Variants in PPP1R10 observed in about 807,000 individuals in gnomAD.
PPP1R10 encodes serine/threonine-protein phosphatase 1 regulatory subunit 10.
Under a neutral mutation model 99.0 loss-of-function variants are expected in PPP1R10, and 15 were observed. That is an observed-to-expected ratio of 0.15 (90% CI 0.10 to 0.23). The LOEUF (loss-of-function observed/expected upper bound fraction) is 0.23, where lower values mean the gene tolerates loss of function less well. Among genes scored for constraint, PPP1R10 ranks in the 10% least tolerant of loss-of-function variants. The probability of loss-of-function intolerance (pLI) is 1.00; values close to 1 mark genes in which losing one functional copy is unlikely to be tolerated. For synonymous variants in PPP1R10, 430 were observed against 449.5 expected (o/e 0.96, Z 0.55); for missense variants, 947 against 1,259.4 (o/e 0.75, Z 3.75).
At position 30,615,099 on chromosome 6, in the gene PPP1R10, G is replaced by C. The variant is rs149305600; in HGVS notation, c.-12+1379C>G. Among the ~76,000 whole-genome samples, 461 of 152,222 alleles carry C rather than the reference G, an allele frequency of 3.0e-3. 11 individuals are homozygous for C. The highest frequency in any genetic ancestry group is 0.027 in the East Asian group (142 of 5,178). On this transcript the variant is annotated intron_variant, in intron 2 of 19. Transcript: ENST00000376511. ...AGTTTCTAGGGCGGCCCTAAGCTCA[G>C]GATGGCAAAAGGGGGAGAAAAACAA...
intron 10 of PPP1R10, chr6:30,605,684 C>A: frequency 2.1e-6 from 1 of 478,672 alleles, no homozygotes; most frequent in South Asian, 2.5e-5. Context: ...CATGGTGAAA[C>A]CCCATCTCTA....
intron 17 of PPP1R10, 112 bp from the exon 18 acceptor site, chr6:30,603,071 C>T (rs1803541279): frequency 7.3e-7 from 1 of 1,375,190 alleles, no homozygotes; most frequent in African/African-American, 1.4e-5. Context: ...GAGCAATGCT[C>T]TCTCTGTCCA....
At position 30,602,303 on chromosome 6, in the gene PPP1R10, G is replaced by A. The variant is rs769221345; in HGVS notation, c.2346C>T (p.Arg782=). The A allele has an allele frequency of 6.2e-7, 1 of 1,609,028 alleles. No individual in the cohort carries two copies. The highest frequency in any genetic ancestry group is 1.1e-5 in the South Asian group (1 of 90,890). The part of the protein sequence containing the change: ...GPGGGMGSGH[R]PHEGPGGSMG... ...TGCTACCACCAGGGCCTTCATGGGG[G>A]CGATGCCCACTTCCCATGCCACCGC... Residue 782 remains arginine (R), a synonymous_variant, in exon 19 of 20, where the codon CGC becomes CGT. Coordinates refer to ENST00000376511, the MANE Select transcript of PPP1R10 (RefSeq NM_002714.4). The surrounding 1 kb of genome is among the most constrained non-coding windows in gnomAD (Gnocchi z 6.7).
chr6:30,609,617 T>G lies in PPP1R10; in HGVS notation c.107+221A>C, dbSNP rs1429083502. ...GCTCTCATTCCAAAGCATGACTCCC[T>G]TGGGACCGTGGACGTCCAAATCTCC... is the stretch of plus-strand genomic sequence containing the variant. On this transcript the variant is annotated intron_variant, in intron 3 of 19. Coordinates refer to ENST00000376511, the MANE Select transcript of PPP1R10 (RefSeq NM_002714.4). This position sits in a 1 kb window ranked among gnomAD's most constrained non-coding sequence, Gnocchi z 4.5. Among the ~76,000 whole-genome samples the G allele has an allele frequency of 6.6e-6, 1 of 152,208 alleles. No individual in the cohort carries two copies. The highest frequency in any genetic ancestry group is 1.5e-5 in the Non-Finnish European group (1 of 68,030).
chr6:30,604,443 G>C lies in PPP1R10; in HGVS notation c.1171C>G (p.Arg391Gly), dbSNP rs764595976. The C allele has an allele frequency of 6.2e-7, 1 of 1,613,160 alleles. No individual in the cohort carries two copies. The highest frequency in any genetic ancestry group is 8.5e-7 in the Non-Finnish European group (1 of 1,180,012). Reference sequence around the variant, plus strand: ...ACACTTTTCCTCTTCCTGCCTTTCCGGGTCAGTTGGTTAGGATCTCCAGGA... The same window carrying C: ...ACACTTTTCCTCTTCCTGCCTTTCCCGGTCAGTTGGTTAGGATCTCCAGGA... ...ESPGDPNQLT[R>G]KGRKRKSVTW... Residue 391 changes from arginine (R) to glycine (G), a missense_variant, in exon 13 of 20, where the codon CGG becomes GGG. Coordinates refer to ENST00000376511, the MANE Select transcript of PPP1R10 (RefSeq NM_002714.4). This position sits in a 1 kb window ranked among gnomAD's most constrained non-coding sequence, Gnocchi z 7.3.
intron 16 of PPP1R10, 56 bp from the exon 17 acceptor site, chr6:30,603,341 A>G: frequency 6.3e-7 from 1 of 1,582,612 alleles, no homozygotes; most frequent in Non-Finnish European, 8.7e-7. Flanking sequence ...AACCATGGCG[A>G]AAGATAGCGC....
Position 30,608,905 on chromosome 6 carries a change from G to C in PPP1R10, c.204C>G (p.Asp68Glu). ...RSPEILVKFIDVGGYKLLNNW... is the reference protein window; with the variant it reads ...RSPEILVKFIEVGGYKLLNNW... ...TGTTAAGAAGTTTGTAGCCGCCAACGTCAATAAATCTGCAGGCAGGCAGGA... is the reference window on the plus strand; with the variant it reads ...TGTTAAGAAGTTTGTAGCCGCCAACCTCAATAAATCTGCAGGCAGGCAGGA... The change falls in exon 5 of 20, where the codon GAC becomes GAG. Residue 68 changes from aspartate (D) to glutamate (E), a missense_variant. By Grantham distance (45) the Asp-to-Glu change is conservative. Around this residue, in one of 10 missense-constraint regions of PPP1R10, gnomAD observed 82 missense variants for 117.3 expected, o/e 0.70. Coordinates refer to ENST00000376511, the MANE Select transcript of PPP1R10 (RefSeq NM_002714.4). 1 of 1,614,114 alleles carries C rather than the reference G, an allele frequency of 6.2e-7. No homozygotes were observed. Among genetic ancestry groups the C allele is most frequent in the Non-Finnish European group, 8.5e-7 (1 of 1,180,018 alleles).
At position 30,602,193 on chromosome 6, in the gene PPP1R10, G is replaced by A; in HGVS notation, c.2456C>T (p.Pro819Leu). 1.2e-6 allele frequency: 2 copies of A among 1,611,128 alleles called. No individual in the cohort carries two copies. Among genetic ancestry groups the A allele is most frequent in the East Asian group, 2.2e-5 (1 of 44,582 alleles). ...ACCACCGGCACCCATTCCTCCGCCA[G>A]GGCCTTCATGGGGACGATGGCCACT... ...GGSGHRPHEG[P>L]GGGMGAGGGH... Residue 819 changes from proline (P) to leucine (L), a missense_variant, in exon 19 of 20, where the codon CCT becomes CTT. Physicochemically the swap from Pro to Leu is moderately conservative, Grantham distance 98. Around this residue, in one of 10 missense-constraint regions of PPP1R10, gnomAD observed 525 missense variants for 578.8 expected, o/e 0.91. Transcript: ENST00000376511. The surrounding 1 kb of genome is among the most constrained non-coding windows in gnomAD (Gnocchi z 6.7).
At chr6:30,608,675 C>A in intron 5 of PPP1R10, 104 bp downstream of exon 5, 3 of 1,367,044 alleles carry the variant, frequency 2.2e-6, no homozygotes, top group Admixed American at 2.2e-5. Context: ...TTCTGCTGTT[C>A]TACCTCACAG....
rs774652564 is a variant in PPP1R10 at position 30,602,304 on chromosome 6, C to T, written c.2345G>A (p.Arg782His). Reference sequence around the variant, plus strand: ...GCTACCACCAGGGCCTTCATGGGGGCGATGCCCACTTCCCATGCCACCGCC... The same window carrying T: ...GCTACCACCAGGGCCTTCATGGGGGTGATGCCCACTTCCCATGCCACCGCC... ...GPGGGMGSGH[R>H]PHEGPGGSMG... Residue 782 changes from arginine (R) to histidine (H), a missense_variant, in exon 19 of 20, where the codon CGC becomes CAC. Coordinates refer to ENST00000376511, the MANE Select transcript of PPP1R10 (RefSeq NM_002714.4). This position sits in a 1 kb window ranked among gnomAD's most constrained non-coding sequence, Gnocchi z 6.7. 3.6e-5 allele frequency: 58 copies of T among 1,612,624 alleles called. No individual in the cohort carries two copies. The highest frequency in any genetic ancestry group is 6.7e-5 in the Admixed American group (4 of 59,970).
Position 30,606,118 on chromosome 6 carries a change from C to T in PPP1R10, c.740+20G>A. The T allele has an allele frequency of 6.2e-7, 1 of 1,613,518 alleles. No individual in the cohort carries two copies. Among genetic ancestry groups the T allele is most frequent in the Non-Finnish European group, 8.5e-7 (1 of 1,179,510 alleles). ...GTCCACAGATCCACCCCATTCAGAG[C>T]CTGAGAATATGGTCCATACCTCTGA... On this transcript the variant is annotated intron_variant, in intron 9 of 19. Transcript: ENST00000376511. This position sits in a 1 kb window ranked among gnomAD's most constrained non-coding sequence, Gnocchi z 6.3.
At chr6:30,605,682 A>C (rs1256205421) in intron 10 of PPP1R10, 1 of 474,804 alleles carries the variant, frequency 2.1e-6, no homozygotes, top group Non-Finnish European at 3.8e-6. Context: ...AACATGGTGA[A>C]ACCCCATCTC....
In PPP1R10 at chr6:30,603,232, C is replaced by T. The variant is rs374247369; in HGVS notation, c.1821G>A (p.Ser607=). ...SEELLKQPDY[S]DKIKQMLVPH... ...TACCCAGCATCTGCTTGATCTTGTCCGAATAGTCTGGTTGTTTCAGTAGTT... is the reference window on the plus strand; with the variant it reads ...TACCCAGCATCTGCTTGATCTTGTCTGAATAGTCTGGTTGTTTCAGTAGTT... Residue 607 remains serine, a synonymous_variant, in exon 17 of 20, where the codon TCG becomes TCA. Coordinates refer to ENST00000376511, the MANE Select transcript of PPP1R10 (RefSeq NM_002714.4). The T allele has an allele frequency of 1.9e-5, 30 of 1,613,682 alleles. No homozygotes were observed. In the African/African-American group the frequency reaches 3.1e-4, roughly 16 times the overall value.
Position 30,609,918 on chromosome 6 carries a change from T to C in PPP1R10, c.27A>G (p.Lys9=). 6.2e-7 allele frequency: 1 copy of C among 1,614,196 alleles called. No homozygotes were observed. Among genetic ancestry groups the C allele is most frequent in the Non-Finnish European group, 8.5e-7 (1 of 1,180,032 alleles). ...AGCTGTCCAGGCCCTTGAGAAGTTC[T>C]TTGGGGTCTATGGGACCCGAACCCA... is the stretch of plus-strand genomic sequence containing the variant. The part of the protein sequence containing the change: MGSGPIDP[K]ELLKGLDSFL... The change falls in exon 3 of 20, where the codon AAA becomes AAG. Residue 9 remains lysine, a synonymous_variant. Coordinates refer to ENST00000376511, the MANE Select transcript of PPP1R10 (RefSeq NM_002714.4). This position sits in a 1 kb window ranked among gnomAD's most constrained non-coding sequence, Gnocchi z 4.5.
chr6:30,602,895 G>T lies in PPP1R10; in HGVS notation c.1908C>A (p.Gly636=). ...GGGGAAAGTGCTGCATGCCCTTGGG[G>T]CCCCCAGGACCCCCTGGTGGGAAAC... is the stretch of plus-strand genomic sequence containing the variant. The part of the protein sequence containing the change: ...ANGFPPGGPG[G]PKGMQHFPPG... The change falls in exon 18 of 20, where the codon GGC becomes GGA. Residue 636 remains glycine (G), a synonymous_variant. Transcript: ENST00000376511. The surrounding 1 kb of genome is among the most constrained non-coding windows in gnomAD (Gnocchi z 6.7). 6.4e-7 allele frequency: 1 copy of T among 1,556,514 alleles called. No individual in the cohort carries two copies. Among genetic ancestry groups the T allele is most frequent in the African/African-American group, 1.4e-5 (1 of 73,360 alleles).
intron 16 of PPP1R10, 86 bp downstream of exon 16, chr6:30,603,386 C>G (rs1429424030): frequency 6.3e-7 from 1 of 1,582,292 alleles, no homozygotes; most frequent in Non-Finnish European, 8.7e-7. Flanking sequence ...ATGTGGAGAA[C>G]TGGGGTAAGG....
At chr6:30,603,318 CAGAA>C (rs1803570047) in intron 16 of PPP1R10, 33 bp from the exon 17 acceptor site, 1 of 1,594,614 alleles carries the variant, frequency 6.3e-7, no homozygotes, top group Non-Finnish European at 8.6e-7. Flanking sequence ...AGTCAACAGA[CAGAA>C]AGGGTAACAA....
chr6:30,604,827 T>A lies in PPP1R10; in HGVS notation c.955-92A>T. ...GTCCCAGGCACAGTCCCCCAACAGT[T>A]CCTATATAAAGGAAGACTCTGTCTC... On this transcript the variant is annotated intron_variant, in intron 11 of 19. Transcript: ENST00000376511. This position sits in a 1 kb window ranked among gnomAD's most constrained non-coding sequence, Gnocchi z 7.3. The A allele has an allele frequency of 6.4e-7, 1 of 1,571,778 alleles. No individual in the cohort carries two copies. Among genetic ancestry groups the A allele is most frequent in the Non-Finnish European group, 8.7e-7 (1 of 1,143,624 alleles).
rs1803897394 is a variant in PPP1R10 at position 30,605,973 on chromosome 6, G to A, written c.803C>T (p.Thr268Ile). 6.2e-7 allele frequency: 1 copy of A among 1,614,028 alleles called. No individual in the cohort carries two copies. Among genetic ancestry groups the A allele is most frequent in the Non-Finnish European group, 8.5e-7 (1 of 1,179,990 alleles). ...PAEKKYKPLN[T>I]TPNATKEIKV... ...GATCTCTTTGGTGGCATTAGGTGTT[G>A]TGTTGAGTGGCTTGTATTTCTTCTC... The change falls in exon 10 of 20, where the codon ACA becomes ATA. Residue 268 changes from threonine (T) to isoleucine (I), a missense_variant. Physicochemically the swap from Thr to Ile is moderately conservative, Grantham distance 89. Transcript: ENST00000376511.
Sources: gnomAD v4.1 joint callset for allele counts (sites outside exome capture counted in the v4.1 genomes callset) on GRCh38, gnomAD v4.1.1 for gene constraint, gnomAD v4.1.1 regional missense constraint, Gnocchi (gnomAD v3.1) non-coding constraint, MANE v1.5 for transcripts, NCBI Gene and HGNC (gene_info 2026-07-23, HGNC 2026-07-21) for gene names.